HSD17B4: variants seen among roughly 807,000 people sequenced by gnomAD.
HSD17B4 encodes hydroxysteroid 17-beta dehydrogenase 4.
A neutral mutation model predicts 101.0 loss-of-function variants in HSD17B4; 70 were observed. The observed-to-expected ratio is 0.69, with a 90% CI of 0.57 to 0.85. HSD17B4 has a LOEUF of 0.85. HSD17B4 is among the 40% of genes least tolerant of loss of function. The pLI is 0.00. For synonymous variants in HSD17B4, 347 were observed against 297.1 expected (o/e 1.17, Z -1.73); for missense variants, 984 against 892.4 (o/e 1.10, Z -1.31).
At chr5:119,493,430 G>A (rs1750299377) in intron 10 of HSD17B4, 2 of 191,828 alleles carry the variant, frequency 1.0e-5, no homozygotes, top group South Asian at 9.7e-5. Flanking sequence ...CTAACTCAGC[G>A]AAGCTCTATT....
intron 8 of HSD17B4, among the ~76,000 whole-genome samples, chr5:119,479,472 C>T (rs1748912211): frequency 6.6e-6 from 1 of 152,058 alleles, no homozygotes; most frequent in Admixed American, 6.6e-5. Flanking sequence ...AGTATGGAGC[C>T]GTTATGATAA....
chr5:119,519,622 A>G (rs908877475), intron 17 of HSD17B4, among the ~76,000 whole-genome samples: 2 of 152,216 alleles, frequency 1.3e-5, no homozygotes, highest in Non-Finnish European at 2.9e-5. Context: ...TGATCAGCCC[A>G]TGTTTTAGAT....
chr5:119,486,417 C>G (rs1266106064), intron 8 of HSD17B4, among the ~76,000 whole-genome samples: 1 of 152,110 alleles, frequency 6.6e-6, no homozygotes, highest in East Asian at 1.9e-4. Context: ...TTTACCTCAC[C>G]CCATTTCTTC....
In HSD17B4 at chr5:119,475,813, T is replaced by A. The variant is rs767897278; in HGVS notation, c.303-11T>A. The A allele has an allele frequency of 7.5e-6, 12 of 1,599,362 alleles. No homozygotes were observed. In the African/African-American group the frequency reaches 1.3e-4, roughly 18 times the overall value. On this transcript the variant is annotated splice_polypyrimidine_tract_variant and intron_variant, in intron 5 of 23. Transcript: ENST00000510025. ...TTCCTCCTTTTACCCTATACAACAT[T>A]GATTTTTTAGAATTCTGAGGGATCG...
chr5:119,498,921 C>T (rs1474804588), intron 12 of HSD17B4, among the ~76,000 whole-genome samples: 1 of 152,084 alleles, frequency 6.6e-6, no homozygotes, highest in Non-Finnish European at 1.5e-5. Context: ...ATCAAATTTA[C>T]ATCCATTAAG....
chr5:119,479,253 G>A (rs927561412), intron 8 of HSD17B4, among the ~76,000 whole-genome samples: 1 of 151,622 alleles, frequency 6.6e-6, no homozygotes, highest in African/African-American at 2.4e-5. Context: ...CTTTTTCTCT[G>A]CATATTCATA....
At chr5:119,536,646 C>A in intron 23 of HSD17B4, 96 bp downstream of exon 23, 1 of 1,165,244 alleles carries the variant, frequency 8.6e-7, no homozygotes, top group Non-Finnish European at 1.3e-6. Flanking sequence ...GATTTATAAG[C>A]CAGGTTTCTT....
intron 2 of HSD17B4, among the ~76,000 whole-genome samples, chr5:119,467,038 G>T (rs1006392623): frequency 6.6e-6 from 1 of 152,016 alleles, no homozygotes; most frequent in Non-Finnish European, 1.5e-5. Context: ...GCTACCCGTT[G>T]GTTATTCAGG....
At chr5:119,497,699 CA>C (rs919900946) in intron 12 of HSD17B4, among the ~76,000 whole-genome samples, 43 of 152,016 alleles carry the variant, frequency 2.8e-4, no homozygotes, top group African/African-American at 1.0e-3. Flanking sequence ...TTTTCACATA[CA>C]AAAAAATTAT....
intron 17 of HSD17B4, among the ~76,000 whole-genome samples, chr5:119,523,758 T>A (rs1042617192): frequency 3.3e-5 from 5 of 152,200 alleles, no homozygotes; most frequent in African/African-American, 1.2e-4. Context: ...TATTGAGGTA[T>A]TATTTATCAA....
intron 20 of HSD17B4, among the ~76,000 whole-genome samples, chr5:119,529,498 A>G (rs189590441): frequency 6.6e-6 from 1 of 152,300 alleles, no homozygotes; most frequent in East Asian, 1.9e-4. Flanking sequence ...ACTATTTATA[A>G]GGATTCAGCA....
At chr5:119,478,756 A>C in intron 7 of HSD17B4, 78 bp from the exon 8 acceptor site, 2 of 1,175,442 alleles carry the variant, frequency 1.7e-6, no homozygotes, top group South Asian at 2.4e-5. Flanking sequence ...TAGGTGCAGT[A>C]GTACCAAAAC....
intron 14 of HSD17B4, among the ~76,000 whole-genome samples, chr5:119,504,689 A>G (rs75399900): frequency 1.3e-3 from 196 of 152,188 alleles, no homozygotes; most frequent in African/African-American, 4.6e-3. Flanking sequence ...CCTCTATTGG[A>G]TACATAGTGT....
chr5:119,454,307 A>AT (rs5870857), intron 1 of HSD17B4, among the ~76,000 whole-genome samples: 41,081 of 146,688 alleles, frequency 0.28, 6,196 homozygotes, highest in East Asian at 0.52. Flanking sequence ...AGTTGATTAA[A>AT]TTTTTTTTTT....
intron 17 of HSD17B4, among the ~76,000 whole-genome samples, chr5:119,522,385 G>A (rs1199397860): frequency 6.6e-6 from 1 of 152,148 alleles, no homozygotes; most frequent in Non-Finnish European, 1.5e-5. Context: ...GAGTAGTGCT[G>A]CAATAAACAT....
At chr5:119,462,346 G>A (rs1468243174) in intron 2 of HSD17B4, among the ~76,000 whole-genome samples, 1 of 140,706 alleles carries the variant, frequency 7.1e-6, no homozygotes, top group Non-Finnish European at 1.5e-5. Flanking sequence ...TTGAGGAGCA[G>A]AGTGGTACTG....
At chr5:119,478,587 AG>A (rs1251798932) in intron 7 of HSD17B4, among the ~76,000 whole-genome samples, 1 of 152,164 alleles carries the variant, frequency 6.6e-6, no homozygotes, top group African/African-American at 2.4e-5. Flanking sequence ...ATGGTTGTAA[AG>A]CATAAGTCTA....
chr5:119,507,668 C>A lies in HSD17B4; in HGVS notation c.1333+779C>A, dbSNP rs370278979. Among the ~76,000 whole-genome samples, 126 of 151,578 alleles carry A rather than the reference C, an allele frequency of 8.3e-4. 1 individual carries two copies. Among genetic ancestry groups the A allele is most frequent in the African/African-American group, 2.8e-3 (114 of 41,352 alleles). On this transcript the variant is annotated intron_variant, in intron 15 of 23. Transcript: ENST00000510025. ...GCATGGTGGCGGGCGCCTGTAGTCC[C>A]GGCTACTTGGGAGGCTGAGGCAGGA... is the stretch of plus-strand genomic sequence containing the variant.
chr5:119,501,370 C>T (rs1033268311), intron 13 of HSD17B4, among the ~76,000 whole-genome samples: 103 of 150,752 alleles, frequency 6.8e-4, no homozygotes, highest in African/African-American at 1.8e-3. Context: ...TAAACTGGCC[C>T]TCTGCAGTGA....
Sources: gnomAD v4.1 joint callset for allele counts (sites outside exome capture counted in the v4.1 genomes callset) on GRCh38, gnomAD v4.1.1 for gene constraint, MANE v1.5 for transcripts, NCBI Gene and HGNC (gene_info 2026-07-23, HGNC 2026-07-21) for gene names.